The following SLC5A5 variants were observed in gnomAD, a reference collection of about 807,000 sequenced individuals.
SLC5A5 encodes sodium/iodide cotransporter.
In SLC5A5, 56 loss-of-function variants were observed where a neutral mutation model predicts 68.6. The observed-to-expected ratio is 0.82, with a 90% confidence interval of 0.66 to 1.02. The LOEUF (loss-of-function observed/expected upper bound fraction) is 1.02. Ranked by LOEUF, SLC5A5 falls within the 50% of genes least tolerant of loss-of-function variation. SLC5A5 has a pLI of 0.00. For synonymous variants in SLC5A5, 398 were observed against 373.0 expected (o/e 1.07, Z -0.77); for missense variants, 807 against 859.8 (o/e 0.94, Z 0.77).
chr19:17,893,443 A>C (rs543143627), intron 14 of SLC5A5, among the ~76,000 whole-genome samples: 1 of 152,230 alleles, frequency 6.6e-6, no homozygotes, highest in South Asian at 2.1e-4. Context: ...GCAGAGAAGC[A>C]GAGAAAGGAG....
At chr19:17,880,840 G>A (rs766839494) in intron 7 of SLC5A5, 25 bp from the exon 8 acceptor site, 3 of 1,580,198 alleles carry the variant, frequency 1.9e-6, no homozygotes, top group South Asian at 1.1e-5. Context: ...AGCTGTCTGG[G>A]AGGCTGACCC....
chr19:17,893,886 C>T lies in SLC5A5; in HGVS notation c.*9C>T. ...AGGAGACAAACCTCTGAGGACAGGG[C>T]CAGCCGCGGGACTGACACCCTGGGA... On this transcript the variant is annotated 3_prime_UTR_variant, in exon 15 of 15. Coordinates refer to ENST00000222248, the MANE Select transcript of SLC5A5 (RefSeq NM_000453.3). 1 of 1,555,420 alleles carries T rather than the reference C, an allele frequency of 6.4e-7. No homozygotes were observed. The highest frequency in any genetic ancestry group is 1.2e-5 in the South Asian group (1 of 85,210).
chr19:17,887,199 C>G (rs1016271211), intron 12 of SLC5A5, among the ~76,000 whole-genome samples: 1 of 152,018 alleles, frequency 6.6e-6, no homozygotes, highest in Non-Finnish European at 1.5e-5. Flanking sequence ...GGTACAAGCC[C>G]CTGATCAGAT....
At chr19:17,891,749 C>T (rs887478433) in intron 14 of SLC5A5, among the ~76,000 whole-genome samples, 11 of 152,136 alleles carry the variant, frequency 7.2e-5, no homozygotes, top group Admixed American at 7.2e-4. Flanking sequence ...TGGCTAAAAC[C>T]GCGTGGTTGC....
At chr19:17,892,493 CG>C (rs2030210784) in intron 14 of SLC5A5, among the ~76,000 whole-genome samples, 1 of 151,986 alleles carries the variant, frequency 6.6e-6, no homozygotes, top group East Asian at 1.9e-4. Context: ...AAAAATTAGC[CG>C]GGTGTGGTGG....
At position 17,881,961 on chromosome 19, in the gene SLC5A5, A is replaced by C. The variant is rs121909174; in HGVS notation, c.1060A>C (p.Thr354Pro). 7 of 1,613,252 alleles carry C rather than the reference A, an allele frequency of 4.3e-6. No individual in the cohort carries two copies. The East Asian group carries it at 1.6e-4, about 36-fold the overall frequency. Reference protein sequence around the residue: ...LACAYSGTLSTASTSINAMAA... With the variant: ...LACAYSGTLSPASTSINAMAA... ...CCCCCCGCTGCCTTCCTCACACAGCACAGCATCCACCAGCATCAATGCTAT... is the reference window on the plus strand; with the variant it reads ...CCCCCCGCTGCCTTCCTCACACAGCCCAGCATCCACCAGCATCAATGCTAT... The change falls in exon 9 of 15, where the codon ACA becomes CCA. Residue 354 changes from threonine (T) to proline (P), a missense_variant and splice_region_variant. Coordinates refer to ENST00000222248, the MANE Select transcript of SLC5A5 (RefSeq NM_000453.3).
rs760202845 is a variant in SLC5A5, at chr19:17,872,272, G to C, written c.-48G>C. ...CGGCCCCTGCCAGCTTCCCCCGCTT[G>C]AGCACGCAGGGCGTCCGAGGACGCG... On this transcript the variant is annotated 5_prime_UTR_variant, in exon 1 of 15. Transcript: ENST00000222248. 8.5e-7 allele frequency: 1 copy of C among 1,179,292 alleles called. No individual in the cohort carries two copies. Among genetic ancestry groups the C allele is most frequent in the Non-Finnish European group, 1.2e-6 (1 of 856,194 alleles). 73.1% of individuals were successfully genotyped at this position (1,179,292 alleles called of 1,614,324 possible).
chr19:17,872,049 A>C lies in SLC5A5; in HGVS notation c.-271A>C. ...ATGGGACAGCGGAACCCAGAGTGAG[A>C]GGGGAGGTGGCAGGACAGACAGACA... On this transcript the variant is annotated 5_prime_UTR_variant, in exon 1 of 15. Coordinates refer to ENST00000222248, the MANE Select transcript of SLC5A5 (RefSeq NM_000453.3). The C allele has an allele frequency of 2.0e-6, 1 of 507,144 alleles. No homozygotes were observed. The highest frequency in any genetic ancestry group is 3.5e-6 in the Non-Finnish European group (1 of 283,936). The allele number at this position is 507,144 out of a possible 1,614,324, so 31.4% of individuals were successfully genotyped here. A position where few individuals can be genotyped will look rare whatever the true frequency, so the allele number is the denominator to read the frequency against.
At chr19:17,882,338 GTTT>G (rs562649678) in intron 10 of SLC5A5, 119 bp downstream of exon 10, 45 of 662,778 alleles carry the variant, frequency 6.8e-5, no homozygotes, top group Admixed American at 1.0e-4. Flanking sequence ...TCACTTCTAT[GTTT>G]TTTTTTTTTT....
chr19:17,874,126 C>A lies in SLC5A5; in HGVS notation c.358-12C>A. On this transcript the variant is annotated splice_polypyrimidine_tract_variant and intron_variant, in intron 1 of 14. Transcript: ENST00000222248. ...AAGGACTGTCCAGGTGACCTCGAGT[C>A]CCTCCTTGCAGTACCTGGAGATGCG... 3 of 1,602,844 alleles carry A rather than the reference C, an allele frequency of 1.9e-6. No homozygotes were observed. Among genetic ancestry groups the A allele is most frequent in the Non-Finnish European group, 2.6e-6 (3 of 1,170,162 alleles).
intron 12 of SLC5A5, among the ~76,000 whole-genome samples, chr19:17,884,748 G>A (rs979729028): frequency 6.6e-6 from 1 of 151,760 alleles, no homozygotes; most frequent in African/African-American, 2.4e-5. Flanking sequence ...ATTCCAGCCT[G>A]GGCAACAAAA....
intron 1 of SLC5A5, among the ~76,000 whole-genome samples, chr19:17,873,759 T>TC (rs199504176): frequency 6.6e-6 from 1 of 151,898 alleles, no homozygotes; most frequent in African/African-American, 2.4e-5. Flanking sequence ...CCGTCCCCCC[T>TC]CCCCCCCAAA....
At chr19:17,890,841 C>T in intron 13 of SLC5A5, 45 bp from the exon 14 acceptor site, 2 of 1,310,174 alleles carry the variant, frequency 1.5e-6, no homozygotes, top group Non-Finnish European at 2.2e-6. Flanking sequence ...CCCCATGACC[C>T]CTTCACTGAA....
chr19:17,881,271 T>C (rs1189122383), intron 8 of SLC5A5, among the ~76,000 whole-genome samples: 32 of 151,946 alleles, frequency 2.1e-4, no homozygotes, highest in Admixed American at 1.8e-3. Context: ...TACTGTTTTT[T>C]TTTGTTTTTT....
At chr19:17,890,195 C>G (rs1343631020) in intron 13 of SLC5A5, among the ~76,000 whole-genome samples, 1 of 152,016 alleles carries the variant, frequency 6.6e-6, no homozygotes. Flanking sequence ...CTCAGCCTCC[C>G]GAGTAGCTGG....
chr19:17,884,080 C>T (rs1424785860), intron 12 of SLC5A5, 34 bp downstream of exon 12: 2 of 1,500,964 alleles, frequency 1.3e-6, no homozygotes, highest in East Asian at 2.4e-5. Context: ...GGTACCCGAG[C>T]CCTGGATGGT....
At chr19:17,884,113 T>C in intron 12 of SLC5A5, 67 bp downstream of exon 12, 1 of 1,335,608 alleles carries the variant, frequency 7.5e-7, no homozygotes, top group Non-Finnish European at 1.0e-6. Context: ...GGAAACTTAC[T>C]TGCCCTGCAC....
intron 2 of SLC5A5, 33 bp from the exon 3 acceptor site, chr19:17,874,461 T>G: frequency 6.2e-7 from 1 of 1,611,178 alleles, no homozygotes. Flanking sequence ...CCAGACGCCC[T>G]CCCTGCTCAC....
At position 17,873,582 on chromosome 19, in the gene SLC5A5, C is replaced by A. The variant is rs561522492; in HGVS notation, c.358-556C>A. On this transcript the variant is annotated intron_variant, in intron 1 of 14. Transcript: ENST00000222248. ...ACCAGCCTGGCTAACATGGTGAAAC[C>A]CCGTCTTTACTAAAAATACAAAAAT... 1.1e-3 allele frequency among the ~76,000 whole-genome samples: 163 copies of A among 152,222 alleles called. 1 individual carries two copies. Among genetic ancestry groups the A allele is most frequent in the Non-Finnish European group, 1.7e-3 (116 of 68,016 alleles).
Sources: gnomAD v4.1 joint callset for allele counts (sites outside exome capture counted in the v4.1 genomes callset) on GRCh38, gnomAD v4.1.1 for gene constraint, MANE v1.5 for transcripts, NCBI Gene and HGNC (gene_info 2026-07-23, HGNC 2026-07-21) for gene names.